FANCM: variants seen among roughly 807,000 people sequenced by gnomAD.
FANCM encodes the protein FA complementation group M, also known as Fanconi anemia group M protein.
FANCM carries 140 observed loss-of-function variants against 199.5 expected under a neutral mutation model. That is an observed-to-expected ratio of 0.70 (90% CI 0.61 to 0.81). The LOEUF (loss-of-function observed/expected upper bound fraction) is 0.81. Among genes scored for constraint, FANCM ranks in the 30% least tolerant of loss-of-function variants. The probability of loss-of-function intolerance (pLI) is 0.00; values close to 1 mark genes in which losing one functional copy is unlikely to be tolerated. For missense variants in FANCM, 2,410 were observed against 2,421.4 expected, an observed-to-expected ratio of 1.00 and a Z score of 0.10; for synonymous variants, 840 against 836.8, an observed-to-expected ratio of 1.00 and a Z score of -0.07.
chr14:45,153,930 A>G lies in FANCM; in HGVS notation c.1061A>G (p.Gln354Arg). ...NPSPNIVGIQ[Q>R]GIIEGEFAIC... ...ATGCTGTTTTTCTAGGGAATACAAC[A>G]AGGCATAATCGAGGGAGAGTTTGCT... The change falls in exon 6 of 23, where the codon CAA (glutamine) becomes CGA (arginine). Residue 354 changes from glutamine to arginine, a missense_variant. Physicochemically the swap from Gln to Arg is conservative, Grantham distance 43 (BLOSUM62 1). Coordinates refer to ENST00000267430, the MANE Select transcript of FANCM (RefSeq NM_020937.4). 1 of 1,610,278 alleles carries G rather than the reference A, an allele frequency of 6.2e-7. No individual in the cohort carries two copies. Among genetic ancestry groups the G allele is most frequent in the Non-Finnish European group, 8.5e-7 (1 of 1,176,614 alleles).
chr14:45,194,155 A>C (rs559052122), intron 20 of FANCM, among the ~76,000 whole-genome samples: 1 of 152,202 alleles, frequency 6.6e-6, no homozygotes, highest in African/African-American at 2.4e-5. Context: ...TATAAAAATC[A>C]GCCAGGTGTC....
At position 45,198,699 on chromosome 14, in the gene FANCM, C is replaced by G; in HGVS notation, c.5772C>G (p.Thr1924=). The part of the protein sequence containing the change: ...RTKSYDSLLT[T]LIGAGIRILF... ...AGAGCTATGACAGCCTGCTGACTAC[C>G]TTAATTGGCGCTGGAATCCGAATTC... is the stretch of plus-strand genomic sequence containing the variant. Residue 1924 remains threonine (T), a synonymous_variant, in exon 22 of 23, where the codon ACC becomes ACG. Transcript: ENST00000267430. 1 of 1,613,676 alleles carries G rather than the reference C, an allele frequency of 6.2e-7. No homozygotes were observed. Among genetic ancestry groups the G allele is most frequent in the South Asian group, 1.1e-5 (1 of 91,054 alleles).
chr14:45,163,620 G>C (rs370710054), intron 9 of FANCM, among the ~76,000 whole-genome samples: 1 of 152,304 alleles, frequency 6.6e-6, no homozygotes, highest in East Asian at 1.9e-4. Flanking sequence ...TGACTTCTAA[G>C]AGTAATACAA....
At position 45,176,316 on chromosome 14, in the gene FANCM, T is replaced by G; in HGVS notation, c.3562T>G (p.Ser1188Ala). The change falls in exon 14 of 23, where the codon TCT becomes GCT. Residue 1188 changes from serine to alanine, a missense_variant. By Grantham distance (99) the Ser-to-Ala change is moderately conservative. Coordinates refer to ENST00000267430, the MANE Select transcript of FANCM (RefSeq NM_020937.4). Reference sequence around the variant, plus strand: ...TGATGAACTTTTGTTGGACAATAATTCTGAACTCCAAGATCAAATCACCCG... The same window carrying G: ...TGATGAACTTTTGTTGGACAATAATGCTGAACTCCAAGATCAAATCACCCG... ...ISDELLLDNN[S>A]ELQDQITRDA... is the part of the protein sequence containing the mutation. The G allele has an allele frequency of 1.2e-6, 2 of 1,614,010 alleles. No homozygotes were observed. The highest frequency in any genetic ancestry group is 1.7e-6 in the Non-Finnish European group (2 of 1,179,984).
rs80264588 is a variant in FANCM, at chr14:45,161,817, A to G, written c.1581+2537A>G. On this transcript the variant is annotated intron_variant, in intron 9 of 22. Transcript: ENST00000267430. ...AATCATGCTGGTTATTGTCTGAAGA[A>G]TAAACTGTAGGGGCTAAGGGTGGAA... Among the ~76,000 whole-genome samples, 1,235 of 152,200 alleles carry G rather than the reference A, an allele frequency of 8.1e-3. 16 individuals are homozygous for G. The highest frequency in any genetic ancestry group is 0.028 in the African/African-American group (1,173 of 41,532).
chr14:45,169,382 TG>T (rs1337388912), intron 11 of FANCM, among the ~76,000 whole-genome samples: 6 of 145,736 alleles, frequency 4.1e-5, no homozygotes, highest in Non-Finnish European at 6.0e-5. Flanking sequence ...TTTATTTATT[TG>T]TTTTTTTTTT....
chr14:45,192,060 A>C (rs1035137156), intron 20 of FANCM, among the ~76,000 whole-genome samples: 2 of 152,038 alleles, frequency 1.3e-5, no homozygotes, highest in Non-Finnish European at 2.9e-5. Context: ...TAAATATTAA[A>C]TATATTTTAG....
At position 45,175,741 on chromosome 14, in the gene FANCM, A is replaced by C. The variant is rs1288967287; in HGVS notation, c.2987A>C (p.Tyr996Ser). The C allele has an allele frequency of 6.2e-7, 1 of 1,613,816 alleles. No individual in the cohort carries two copies. Among genetic ancestry groups the C allele is most frequent in the South Asian group, 1.1e-5 (1 of 91,078 alleles). ...GCTAATGTAGAGAGATTTTTATCTTATTCTCCTCCGCCTCTCAGTGGACTC... is the reference window on the plus strand; with the variant it reads ...GCTAATGTAGAGAGATTTTTATCTTCTTCTCCTCCGCCTCTCAGTGGACTC... ...VLANVERFLS[Y>S]SPPPLSGLSD... Residue 996 changes from tyrosine to serine, a missense_variant, in exon 14 of 23, where the codon TAT (tyrosine) becomes TCT (serine). Coordinates refer to ENST00000267430, the MANE Select transcript of FANCM (RefSeq NM_020937.4).
rs1207919069 is a variant in FANCM at position 45,175,916 on chromosome 14, T to A, written c.3162T>A (p.Leu1054=). Reference sequence around the variant, plus strand: ...AACAGAATTTAGAATTGAATTCACTTAAATGTATAAATTATCCATCTGAAA... The same window carrying A: ...AACAGAATTTAGAATTGAATTCACTAAAATGTATAAATTATCCATCTGAAA... ...NSQQNLELNS[L]KCINYPSEKS... The change falls in exon 14 of 23, where the codon CTT becomes CTA. Residue 1054 remains leucine (L), a synonymous_variant. Coordinates refer to ENST00000267430, the MANE Select transcript of FANCM (RefSeq NM_020937.4). 3.1e-6 allele frequency: 5 copies of A among 1,612,590 alleles called. 1 individual carries two copies. The South Asian group carries it at 5.5e-5, about 18-fold the overall frequency.
At chr14:45,137,554 A>G (rs2139108466) in intron 2 of FANCM, 2 of 337,906 alleles carry the variant, frequency 5.9e-6, no homozygotes, top group South Asian at 2.9e-5. Flanking sequence ...AAAATAGGGT[A>G]TGAAAGGAGT....
rs200095329 is a variant in FANCM, at chr14:45,196,266, C to T, written c.5435C>T (p.Pro1812Leu). ...GGGACACATACTTCTCTTAGACTTC[C>T]GCAGGAAGGAAAAGGAACCTGTATT... ...LAGTHTSLRL[P>L]QEGKGTCILV... Residue 1812 changes from proline (P) to leucine (L), a missense_variant, in exon 21 of 23, where the codon CCG becomes CTG. Transcript: ENST00000267430. The T allele has an allele frequency of 1.4e-5, 22 of 1,613,952 alleles. No individual in the cohort carries two copies. The highest frequency in any genetic ancestry group is 1.2e-4 in the South Asian group (11 of 91,080).
intron 11 of FANCM, among the ~76,000 whole-genome samples, chr14:45,168,044 TAC>T (rs1212894680): frequency 5.3e-5 from 8 of 152,294 alleles, no homozygotes; most frequent in Non-Finnish European, 7.4e-5. Context: ...AGATAAAAAG[TAC>T]AGTTTTCATC....
At position 45,188,813 on chromosome 14, in the gene FANCM, A is replaced by G. The variant is rs1240035006; in HGVS notation, c.4791A>G (p.Gln1597=). 6.2e-7 allele frequency: 1 copy of G among 1,610,490 alleles called. No individual in the cohort carries two copies. The highest frequency in any genetic ancestry group is 8.5e-7 in the Non-Finnish European group (1 of 1,177,874). The change falls in exon 20 of 23, where the codon CAA becomes CAG. Residue 1597 remains glutamine, a synonymous_variant. Transcript: ENST00000267430. ...NINIFSQIPE[Q]DETYLEDSFC... Reference sequence around the variant, plus strand: ...TGTTTTTATTGTAGATTCCTGAACAAGATGAAACCTATTTAGAGGATAGTT... The same window carrying G: ...TGTTTTTATTGTAGATTCCTGAACAGGATGAAACCTATTTAGAGGATAGTT...
rs1399231677 is a variant in FANCM at position 45,170,628 on chromosome 14, CAGA to C, written c.2050_2052del (p.Glu684del). On this transcript the variant is annotated inframe_deletion, in exon 12 of 23. Transcript: ENST00000267430. ...AGCCTAAAGAAAGATTGGTTCTTAT[CAGA>C]AGAAGAATTTAAATTATGGAACAGA... 2 of 1,599,858 alleles carry C rather than the reference CAGA, an allele frequency of 1.3e-6. No homozygotes were observed. Among genetic ancestry groups the C allele is most frequent in the East Asian group, 2.2e-5 (1 of 44,718 alleles).
At chr14:45,198,427 C>G in intron 21 of FANCM, 1 of 407,072 alleles carries the variant, frequency 2.5e-6, no homozygotes, top group Non-Finnish European at 4.4e-6. Flanking sequence ...CCTTATTCAC[C>G]TTTCTACGTT....
intron 17 of FANCM, among the ~76,000 whole-genome samples, chr14:45,184,616 G>A (rs1370203998): frequency 1.4e-5 from 2 of 146,918 alleles, no homozygotes; most frequent in African/African-American, 2.5e-5. Flanking sequence ...AGCCAAGATT[G>A]CGCCACTGCA....
intron 8 of FANCM, among the ~76,000 whole-genome samples, chr14:45,156,066 A>G (rs1373435681): frequency 6.6e-6 from 1 of 152,146 alleles, no homozygotes; most frequent in Non-Finnish European, 1.5e-5. Context: ...TAGGAGAGAG[A>G]GAGTTATAGA....
chr14:45,135,972 A>G lies in FANCM; in HGVS notation c.-60A>G. 6.3e-7 allele frequency: 1 copy of G among 1,581,540 alleles called. No homozygotes were observed. The highest frequency in any genetic ancestry group is 8.7e-7 in the Non-Finnish European group (1 of 1,153,318). On this transcript the variant is annotated 5_prime_UTR_variant, in exon 1 of 23. Transcript: ENST00000267430. ...GGAAACCGATGGGGATCGGAACCGT[A>G]GCGGTTGAGCTGCTGCTGCTACGGA...
intron 16 of FANCM, 62 bp downstream of exon 16, chr14:45,181,767 A>C (rs1889090125): frequency 1.0e-6 from 1 of 998,580 alleles, no homozygotes; most frequent in East Asian, 2.5e-5. Flanking sequence ...ATTTTGAGAG[A>C]AATATATGTG....
Sources: allele counts gnomAD v4.1 joint callset (sites outside exome capture counted in the v4.1 genomes callset), GRCh38; gene constraint gnomAD v4.1.1; transcripts MANE v1.5; gene names NCBI Gene and HGNC (gene_info 2026-07-23, HGNC 2026-07-21).